The following UTP23 variants were observed in gnomAD, a reference collection of about 807,000 sequenced individuals.
UTP23 encodes rRNA-processing protein UTP23 homolog.
Under a neutral mutation model 19.8 loss-of-function variants are expected in UTP23, and 10 were observed. The observed-to-expected ratio is 0.50, with a 90% CI of 0.31 to 0.86. UTP23 has a LOEUF of 0.86. UTP23 is among the 40% of genes least tolerant of loss of function. UTP23 has a pLI of 0.05. For missense variants in UTP23, 282 were observed against 293.1 expected, an observed-to-expected ratio of 0.96 and a Z score of 0.28; for synonymous variants, 108 against 105.4, an observed-to-expected ratio of 1.02 and a Z score of -0.15.
At position 116,772,947 on chromosome 8, in the gene UTP23, C is replaced by G; in HGVS notation, c.*1105C>G. On this transcript the variant is annotated 3_prime_UTR_variant, in exon 3 of 3. Coordinates refer to ENST00000309822, the MANE Select transcript of UTP23 (RefSeq NM_032334.3). ...CTGACTGACAGCTTCTGGAGCCACA[C>G]TAGAGCAGTGATTCTCAGTCTAACA... 1 of 985,380 alleles carries G rather than the reference C, an allele frequency of 1.0e-6. No homozygotes were observed. The highest frequency in any genetic ancestry group is 1.2e-6 in the Non-Finnish European group (1 of 829,886). 61.0% of individuals were successfully genotyped at this position (985,380 alleles called of 1,614,324 possible).
At position 116,774,625 on chromosome 8, in the gene UTP23, C is replaced by A; in HGVS notation, c.*2783C>A. 1.3e-6 allele frequency: 1 copy of A among 742,330 alleles called. No individual in the cohort carries two copies. The highest frequency in any genetic ancestry group is 7.0e-4 in the Middle Eastern group (1 of 1,426). 46.0% of individuals were successfully genotyped at this position (742,330 alleles called of 1,614,324 possible). A position where few individuals can be genotyped will look rare whatever the true frequency, so the allele number is the denominator to read the frequency against. On this transcript the variant is annotated 3_prime_UTR_variant, in exon 3 of 3. Coordinates refer to ENST00000309822, the MANE Select transcript of UTP23 (RefSeq NM_032334.3). ...TATTCCAATAAGAATATATTCCATACGGGAATATATTAGTCATTGATGTAT... is the reference window on the plus strand; with the variant it reads ...TATTCCAATAAGAATATATTCCATAAGGGAATATATTAGTCATTGATGTAT...
Position 116,772,607 on chromosome 8 carries a change from T to G in UTP23, c.*765T>G, listed in dbSNP as rs1815673526. ...TATTTTCATTATTATGACTAGAGTT[T>G]TTTTGTTTGTTTGTTTGAGTTCTAC... is the stretch of plus-strand genomic sequence containing the variant. On this transcript the variant is annotated 3_prime_UTR_variant, in exon 3 of 3. Coordinates refer to ENST00000309822, the MANE Select transcript of UTP23 (RefSeq NM_032334.3). 3 of 984,792 alleles carry G rather than the reference T, an allele frequency of 3.0e-6. 1 individual carries two copies. The South Asian group carries it at 1.4e-4, about 46-fold the overall frequency. 61.0% of individuals were successfully genotyped at this position (984,792 alleles called of 1,614,324 possible).
At chr8:116,771,425 G>T in intron 2 of UTP23, 31 bp from the exon 3 acceptor site, 1 of 1,392,774 alleles carries the variant, frequency 7.2e-7, no homozygotes, top group South Asian at 2.1e-5. Flanking sequence ...ATTGACATTT[G>T]AACTAAATAA....
In UTP23 at chr8:116,771,944, A is replaced by G. The variant is rs1815662606; in HGVS notation, c.*102A>G. 1 of 1,459,096 alleles carries G rather than the reference A, an allele frequency of 6.9e-7. No individual in the cohort carries two copies. The highest frequency in any genetic ancestry group is 9.0e-7 in the Non-Finnish European group (1 of 1,116,362). 90.4% of individuals were successfully genotyped at this position (1,459,096 alleles called of 1,614,324 possible). A position where few individuals can be genotyped will look rare whatever the true frequency, so the allele number is the denominator to read the frequency against. On this transcript the variant is annotated 3_prime_UTR_variant, in exon 3 of 3. Transcript: ENST00000309822. ...CAAACTTATTTTTGTAAATGAACCC[A>G]TATGCTTTAGCTAAAATTAATTATA...
chr8:116,772,792 T>A lies in UTP23; in HGVS notation c.*950T>A. The A allele has an allele frequency of 2.0e-6, 2 of 985,464 alleles. No homozygotes were observed. The highest frequency in any genetic ancestry group is 2.4e-6 in the Non-Finnish European group (2 of 829,924). 61.0% of individuals were successfully genotyped at this position (985,464 alleles called of 1,614,324 possible). ...AGGGTCAATTCAGTTAGGAATTGAA[T>A]AATGAAACGTGTCTCTCTGAATTCC... On this transcript the variant is annotated 3_prime_UTR_variant, in exon 3 of 3. Coordinates refer to ENST00000309822, the MANE Select transcript of UTP23 (RefSeq NM_032334.3).
Position 116,770,217 on chromosome 8 carries a change from T to A in UTP23, c.214T>A (p.Leu72Met). The A allele has an allele frequency of 6.2e-7, 1 of 1,611,716 alleles. No individual in the cohort carries two copies. Among genetic ancestry groups the A allele is most frequent in the Non-Finnish European group, 8.5e-7 (1 of 1,178,280 alleles). The change falls in exon 2 of 3, where the codon TTG (leucine) becomes ATG (methionine). Residue 72 changes from leucine to methionine, a missense_variant. Physicochemically the swap from Leu to Met is conservative, Grantham distance 15 (BLOSUM62 2). Coordinates refer to ENST00000309822, the MANE Select transcript of UTP23 (RefSeq NM_032334.3). ...TRCVLKELET[L>M]GKDLYGAKLI... Reference sequence around the variant, plus strand: ...ATGTGTGTTAAAAGAGCTAGAAACATTGGGAAAGGACTTATATGGGGCAAA... The same window carrying A: ...ATGTGTGTTAAAAGAGCTAGAAACAATGGGAAAGGACTTATATGGGGCAAA...
At position 116,773,387 on chromosome 8, in the gene UTP23, CTT is replaced by C. The variant is rs1815684537; in HGVS notation, c.*1546_*1547del. ...AAATACATTAAATTTAGGTATTACT[CTT>C]AATCTATTTCTACTTAGTCAGTGCT... On this transcript the variant is annotated 3_prime_UTR_variant, in exon 3 of 3. Transcript: ENST00000309822. The C allele has an allele frequency of 4.1e-6, 4 of 977,200 alleles. No homozygotes were observed. Among genetic ancestry groups the C allele is most frequent in the South Asian group, 4.7e-5 (1 of 21,164 alleles). The allele number at this position is 977,200 out of a possible 1,614,324, so 60.5% of individuals were successfully genotyped here. A position where few individuals can be genotyped will look rare whatever the true frequency, so the allele number is the denominator to read the frequency against.
chr8:116,773,450 G>A lies in UTP23; in HGVS notation c.*1608G>A. ...CTGTTAATAGCATCTGAACTGGAGAGCTGGAAAAATCCACTTTTTTATGAA... is the reference window on the plus strand; with the variant it reads ...CTGTTAATAGCATCTGAACTGGAGAACTGGAAAAATCCACTTTTTTATGAA... On this transcript the variant is annotated 3_prime_UTR_variant, in exon 3 of 3. Transcript: ENST00000309822. The A allele has an allele frequency of 1.0e-6, 1 of 983,170 alleles. No homozygotes were observed. Among genetic ancestry groups the A allele is most frequent in the African/African-American group, 1.7e-5 (1 of 57,258 alleles). 60.9% of individuals were successfully genotyped at this position (983,170 alleles called of 1,614,324 possible). A position where few individuals can be genotyped will look rare whatever the true frequency, so the allele number is the denominator to read the frequency against.
chr8:116,773,883 T>G lies in UTP23; in HGVS notation c.*2041T>G, dbSNP rs1815691662. On this transcript the variant is annotated 3_prime_UTR_variant, in exon 3 of 3. Coordinates refer to ENST00000309822, the MANE Select transcript of UTP23 (RefSeq NM_032334.3). ...TATGTATTTTGCCAGTAAAATTACT[T>G]TAAAAGATATTTTAACAAAAGTCTC... 1 of 931,372 alleles carries G rather than the reference T, an allele frequency of 1.1e-6. No individual in the cohort carries two copies. The highest frequency in any genetic ancestry group is 1.8e-5 in the African/African-American group (1 of 55,992). 57.7% of individuals were successfully genotyped at this position (931,372 alleles called of 1,614,324 possible).
intron 1 of UTP23, among the ~76,000 whole-genome samples, chr8:116,767,077 G>C (rs772006064): frequency 2.0e-5 from 3 of 152,202 alleles, no homozygotes; most frequent in African/African-American, 4.8e-5. Flanking sequence ...CCAGCTCTGT[G>C]ATTTCTGTCA....
At chr8:116,767,856 C>G (rs1211434721) in intron 1 of UTP23, among the ~76,000 whole-genome samples, 1 of 152,128 alleles carries the variant, frequency 6.6e-6, no homozygotes, top group Non-Finnish European at 1.5e-5. Context: ...CCACTACTCA[C>G]GAATAATCAC....
In UTP23 at chr8:116,773,020, G is replaced by A. The variant is rs1815679412; in HGVS notation, c.*1178G>A. The A allele has an allele frequency of 1.0e-6, 1 of 984,478 alleles. No homozygotes were observed. The highest frequency in any genetic ancestry group is 1.2e-6 in the Non-Finnish European group (1 of 829,816). The allele number at this position is 984,478 out of a possible 1,614,324, so 61.0% of individuals were successfully genotyped here. The stretch of plus-strand genomic sequence containing the variant: ...GAGTAAATTCTTAATGGTTAAATGT[G>A]AGACAGTTCACATTTATTCCCATAG... On this transcript the variant is annotated 3_prime_UTR_variant, in exon 3 of 3. Coordinates refer to ENST00000309822, the MANE Select transcript of UTP23 (RefSeq NM_032334.3).
At chr8:116,770,104 A>G (rs1815631116) in intron 1 of UTP23, 88 bp from the exon 2 acceptor site, 4 of 1,278,652 alleles carry the variant, frequency 3.1e-6, no homozygotes, top group East Asian at 2.5e-5. Flanking sequence ...TTGTAACAGC[A>G]TAGTTTTATT....
Position 116,770,232 on chromosome 8 carries a change from T to C in UTP23, c.229T>C (p.Tyr77His), listed in dbSNP as rs763405924. The C allele has an allele frequency of 3.1e-6, 5 of 1,613,708 alleles. No homozygotes were observed. Among genetic ancestry groups the C allele is most frequent in the Admixed American group, 1.7e-5 (1 of 60,028 alleles). Residue 77 changes from tyrosine to histidine, a missense_variant, in exon 2 of 3, where the codon TAT becomes CAT. By Grantham distance (83) the Tyr-to-His change is moderately conservative (BLOSUM62 2). Coordinates refer to ENST00000309822, the MANE Select transcript of UTP23 (RefSeq NM_032334.3). ...KELETLGKDL[Y>H]GAKLIAQKCQ... ...GCTAGAAACATTGGGAAAGGACTTA[T>C]ATGGGGCAAAACTGATTGCACAAAA...
chr8:116,774,179 G>A lies in UTP23; in HGVS notation c.*2337G>A. 1.0e-6 allele frequency: 1 copy of A among 985,396 alleles called. No individual in the cohort carries two copies. The highest frequency in any genetic ancestry group is 1.2e-6 in the Non-Finnish European group (1 of 829,930). 61.0% of individuals were successfully genotyped at this position (985,396 alleles called of 1,614,324 possible). On this transcript the variant is annotated 3_prime_UTR_variant, in exon 3 of 3. Transcript: ENST00000309822. ...TGCCAATCTGAAAAGGGGTGTTTCT[G>A]AAGACCACTATCTTTTACGAACACT...
At chr8:116,766,968 G>T (rs1341602110) in intron 1 of UTP23, 177 bp downstream of exon 1, 3 of 602,484 alleles carry the variant, frequency 5.0e-6, no homozygotes, top group East Asian at 6.1e-5. Context: ...AATAGAGGCA[G>T]ATTGGACAGT....
In UTP23 at chr8:116,771,559, C is replaced by G; in HGVS notation, c.467C>G (p.Ala156Gly). 1 of 1,612,314 alleles carries G rather than the reference C, an allele frequency of 6.2e-7. No homozygotes were observed. Among genetic ancestry groups the G allele is most frequent in the South Asian group, 1.1e-5 (1 of 90,452 alleles). Residue 156 changes from alanine (A) to glycine (G), a missense_variant, in exon 3 of 3, where the codon GCC (alanine) becomes GGC (glycine). Ala to Gly is a moderately conservative substitution (Grantham distance 60). Coordinates refer to ENST00000309822, the MANE Select transcript of UTP23 (RefSeq NM_032334.3). ...GACAAACCTTCTCCCAAAACAATTG[C>G]CTTTGTAAAAGCAGTGGAGTCAGGT... ...VLDKPSPKTI[A>G]FVKAVESGQL...
chr8:116,773,075 ACTT>A lies in UTP23; in HGVS notation c.*1237_*1239del, dbSNP rs980332567. The stretch of plus-strand genomic sequence containing the variant: ...GTCATTCTCATTTGAATTCAGAGAT[ACTT>A]CTTTGCTGGAAGTTGGAATTATAGC... On this transcript the variant is annotated 3_prime_UTR_variant, in exon 3 of 3. Transcript: ENST00000309822. 1.2e-5 allele frequency: 12 copies of A among 985,254 alleles called. No individual in the cohort carries two copies. The highest frequency in any genetic ancestry group is 3.5e-5 in the African/African-American group (2 of 57,240). The allele number at this position is 985,254 out of a possible 1,614,324, so 61.0% of individuals were successfully genotyped here.
intron 2 of UTP23, 164 bp downstream of exon 2, chr8:116,770,530 G>A: frequency 1.6e-6 from 1 of 621,264 alleles, no homozygotes; most frequent in South Asian, 4.3e-5. Context: ...GAGAATTTGA[G>A]GAAAACTTTA....
Sources: gnomAD v4.1 joint callset for allele counts (sites outside exome capture counted in the v4.1 genomes callset) on GRCh38, gnomAD v4.1.1 for gene constraint, MANE v1.5 for transcripts, NCBI Gene and HGNC (gene_info 2026-07-23, HGNC 2026-07-21) for gene names.